Variants in RANBP2 observed in about 807,000 individuals in gnomAD.
The protein encoded by RANBP2 is E3 SUMO-protein ligase RanBP2.
RANBP2 carries 57 observed loss-of-function variants against 303.6 expected under a neutral mutation model. The ratio of observed to expected loss-of-function variants is 0.19; its 90% CI spans 0.15 to 0.23. The LOEUF (loss-of-function observed/expected upper bound fraction) is 0.23, where lower values mean the gene tolerates loss of function less well. Ranked by LOEUF, RANBP2 falls within the 10% of genes least tolerant of loss-of-function variation. RANBP2 has a pLI of 1.00. For missense variants in RANBP2, 3,138 were observed against 3,780.8 expected, an observed-to-expected ratio of 0.83 and a Z score of 4.46; for synonymous variants, 1,167 against 1,301.5, an observed-to-expected ratio of 0.90 and a Z score of 2.23.
the RANBP2 span, among the ~76,000 whole-genome samples, chr2:109,352,790 C>T: frequency 1.9e-4 from 29 of 152,236 alleles, no homozygotes; most frequent in African/African-American, 5.5e-4. Context: ...TCGCAGGGCA[C>T]GGGGCAGAGG....
chr2:109,299,362 C>T, the RANBP2 span, among the ~76,000 whole-genome samples: 1 of 152,170 alleles, frequency 6.6e-6, no homozygotes, highest in Non-Finnish European at 1.5e-5. Flanking sequence ...ACTGCTGTGA[C>T]CACATATTCC....
intron 4 of RANBP2, chr2:108,731,726 T>G: frequency 3.0e-6 from 2 of 660,242 alleles, no homozygotes; most frequent in South Asian, 4.8e-5. Flanking sequence ...GTTTAGTAGC[T>G]GTAAACTAAG....
chr2:109,522,148 A>G, the RANBP2 span, among the ~76,000 whole-genome samples: 1 of 152,168 alleles, frequency 6.6e-6, no homozygotes, highest in Admixed American at 6.5e-5. Flanking sequence ...AGATCAGTCC[A>G]AAGTTCCAAA....
the RANBP2 span, among the ~76,000 whole-genome samples, chr2:109,488,177 G>A: frequency 3.3e-5 from 5 of 152,174 alleles, no homozygotes; most frequent in African/African-American, 1.2e-4. Flanking sequence ...TGCTGTCCTT[G>A]TGACCTAGGG....
chr2:109,070,856 T>C, the RANBP2 span, among the ~76,000 whole-genome samples: 3 of 33,702 alleles, frequency 8.9e-5, no homozygotes, highest in African/African-American at 2.6e-4. Context: ...CCAGACCCTA[T>C]CTAAAAAAAA....
the RANBP2 span, among the ~76,000 whole-genome samples, chr2:109,249,509 CA>C: frequency 1.2e-3 from 77 of 66,376 alleles, no homozygotes; most frequent in Admixed American, 1.3e-3. Context: ...TTCTTTCTTT[CA>C]TTCTTTCTTT....
chr2:109,705,705 C>T, the RANBP2 span, among the ~76,000 whole-genome samples: 1 of 152,204 alleles, frequency 6.6e-6, no homozygotes. Context: ...CAGGCAGAGC[C>T]ATTCTGGTTC....
chr2:108,873,207 T>C, the RANBP2 span, among the ~76,000 whole-genome samples: 2 of 152,234 alleles, frequency 1.3e-5, no homozygotes, highest in African/African-American at 4.8e-5. Flanking sequence ...GGATTTCTTC[T>C]AGATTTTGCC....
At chr2:109,639,374 AT>A in the RANBP2 span, among the ~76,000 whole-genome samples, 1 of 152,126 alleles carries the variant, frequency 6.6e-6, no homozygotes, top group Middle Eastern at 3.2e-3. Context: ...TAATCCCAGC[AT>A]TTTGGGAGGC....
chr2:109,614,029 G>A, the RANBP2 span: 2 of 1,207,396 alleles, frequency 1.7e-6, no homozygotes, highest in Non-Finnish European at 2.1e-6. Flanking sequence ...CCTGTGGTGC[G>A]CGCTGAGCGT....
the RANBP2 span, among the ~76,000 whole-genome samples, chr2:109,145,443 C>T: frequency 1.2e-4 from 18 of 152,134 alleles, no homozygotes; most frequent in South Asian, 2.1e-4. Flanking sequence ...GAAGACCGGT[C>T]GCCTTCACCA....
At chr2:108,833,090 A>C in the RANBP2 span, among the ~76,000 whole-genome samples, 2 of 152,246 alleles carry the variant, frequency 1.3e-5, no homozygotes, top group African/African-American at 2.4e-5. Context: ...TAAAGAGATC[A>C]GTAGCTGCCA....
the RANBP2 span, among the ~76,000 whole-genome samples, chr2:109,447,163 A>G: frequency 1.9e-4 from 28 of 151,264 alleles, no homozygotes; most frequent in Non-Finnish European, 2.4e-4. Flanking sequence ...AAAAAAAAAA[A>G]AAAAAGAAAA....
chr2:109,217,068 T>C, the RANBP2 span, among the ~76,000 whole-genome samples: 1 of 152,226 alleles, frequency 6.6e-6, no homozygotes, highest in Non-Finnish European at 1.5e-5. Flanking sequence ...CTCAGCACAG[T>C]GTCCTCTAGG....
At chr2:109,117,771 A>G in the RANBP2 span, among the ~76,000 whole-genome samples, 1 of 137,524 alleles carries the variant, frequency 7.3e-6, no homozygotes, top group African/African-American at 2.8e-5. Context: ...CTATTCGGCC[A>G]TCTTGGCTGC....
intron 1 of RANBP2, among the ~76,000 whole-genome samples, chr2:108,723,125 C>T (rs943266682): frequency 3.9e-5 from 6 of 152,102 alleles, no homozygotes; most frequent in Admixed American, 2.0e-4. Context: ...ATCCACCTAC[C>T]TCTGTTTCCT....
the RANBP2 span, among the ~76,000 whole-genome samples, chr2:108,922,666 C>T: frequency 3.9e-5 from 6 of 152,188 alleles, no homozygotes; most frequent in African/African-American, 1.4e-4. Flanking sequence ...CCTCCTCCAC[C>T]CTTGAAGGAG....
At chr2:108,926,742 G>A in the RANBP2 span, among the ~76,000 whole-genome samples, 2 of 152,250 alleles carry the variant, frequency 1.3e-5, no homozygotes, top group Non-Finnish European at 2.9e-5. Context: ...ACACTGTGGG[G>A]AGGGCGGAGC....
At chr2:109,126,527 C>A in the RANBP2 span, among the ~76,000 whole-genome samples, 8 of 152,326 alleles carry the variant, frequency 5.3e-5, no homozygotes, top group East Asian at 1.5e-3. Flanking sequence ...AGAGTGACCA[C>A]TGGTCCATAC....
Sources: allele counts gnomAD v4.1 joint callset (sites outside exome capture counted in the v4.1 genomes callset), GRCh38; gene constraint gnomAD v4.1.1; transcripts MANE v1.5; gene names NCBI Gene and HGNC (gene_info 2026-07-23, HGNC 2026-07-21).